Variants in HDAC9 observed in about 807,000 individuals in gnomAD.
The protein encoded by HDAC9 is MEF-2 interacting transcription repressor (MITR) protein.
A neutral mutation model predicts 139.4 loss-of-function variants in HDAC9; 41 were observed. The observed-to-expected ratio is 0.29, with a 90% CI of 0.23 to 0.38. The LOEUF (loss-of-function observed/expected upper bound fraction) is 0.38. Among genes scored for constraint, HDAC9 ranks in the 10% least tolerant of loss-of-function variants. The pLI is 1.00. For synonymous variants in HDAC9, 517 were observed against 476.2 expected (o/e 1.09, Z -1.12); for missense variants, 1,147 against 1,297.0 (o/e 0.88, Z 1.78).
At chr7:18,292,601 C>T (rs1238966659) in intron 1 of HDAC9, among the ~76,000 whole-genome samples, 1 of 151,680 alleles carries the variant, frequency 6.6e-6, no homozygotes, top group Non-Finnish European at 1.5e-5. Context: ...ATTGAACTGA[C>T]AGGTAAAAAA....
chr7:18,574,557 T>A (rs929015083), intron 2 of HDAC9, among the ~76,000 whole-genome samples: 1 of 152,192 alleles, frequency 6.6e-6, no homozygotes, highest in African/African-American at 2.4e-5. Flanking sequence ...CCCTCCCCTT[T>A]CTGCCCAGGA....
At chr7:18,749,173 T>TA (rs1415011961) in intron 14 of HDAC9, 35 bp downstream of exon 14, 1 of 1,606,166 alleles carries the variant, frequency 6.2e-7, no homozygotes, top group Admixed American at 1.7e-5. Flanking sequence ...TTTACTTACT[T>TA]AAATAAATCA....
chr7:18,277,267 G>A (rs1796794206), intron 2 of HDAC9, among the ~76,000 whole-genome samples: 1 of 152,158 alleles, frequency 6.6e-6, no homozygotes, highest in Admixed American at 6.6e-5. Flanking sequence ...AACAGTGGCA[G>A]GCTCTGCTTG....
In HDAC9 at chr7:18,582,969, A is replaced by G. The variant is rs192175666; in HGVS notation, c.23-2312A>G. Among the ~76,000 whole-genome samples, 908 of 151,516 alleles carry G rather than the reference A, an allele frequency of 6.0e-3. 8 individuals carry two copies. The highest frequency in any genetic ancestry group is 0.021 in the African/African-American group (851 of 40,844). On this transcript the variant is annotated intron_variant, in intron 2 of 25. Transcript: ENST00000686413. Reference sequence around the variant, plus strand: ...TGGGTCATATATATGATAATAATCAATGATGCTCTATTTTGATTCATAATT... The same window carrying G: ...TGGGTCATATATATGATAATAATCAGTGATGCTCTATTTTGATTCATAATT...
chr7:18,103,185 G>A (rs1179084128), intron 1 of HDAC9, among the ~76,000 whole-genome samples: 1 of 152,056 alleles, frequency 6.6e-6, no homozygotes, highest in Non-Finnish European at 1.5e-5. Context: ...TCACTACCAT[G>A]GGAACAGTAT....
chr7:18,138,981 A>C (rs886629099), intron 1 of HDAC9, among the ~76,000 whole-genome samples: 1 of 152,126 alleles, frequency 6.6e-6, no homozygotes, highest in African/African-American at 2.4e-5. Context: ...GTAATCTTCC[A>C]TTTCTAAACT....
rs142832516 is a variant in HDAC9 at position 18,756,020 on chromosome 7, C to T, written c.2044-6137C>T. Among the ~76,000 whole-genome samples, 535 of 152,198 alleles carry T rather than the reference C, an allele frequency of 3.5e-3. 3 individuals are homozygous for T. The highest frequency in any genetic ancestry group is 0.012 in the African/African-American group (504 of 41,526). On this transcript the variant is annotated intron_variant, in intron 14 of 25. Coordinates refer to ENST00000686413, the MANE Select transcript of HDAC9 (RefSeq NM_178425.4). ...TAAGTATGGACAGCTCCCTCTAACA[C>T]GTGGTTCTTGACCTAAGCTACCCAT...
At chr7:18,898,087 G>A (rs939469672) in intron 22 of HDAC9, among the ~76,000 whole-genome samples, 1 of 151,682 alleles carries the variant, frequency 6.6e-6, no homozygotes, top group Non-Finnish European at 1.5e-5. Context: ...ACCTTGTAAA[G>A]CACCATTTTA....
chr7:18,129,260 G>C (rs574814443), intron 1 of HDAC9, among the ~76,000 whole-genome samples: 1 of 152,062 alleles, frequency 6.6e-6, no homozygotes, highest in Non-Finnish European at 1.5e-5. Flanking sequence ...TTTTTAAACT[G>C]ATATACCATG....
intron 2 of HDAC9, among the ~76,000 whole-genome samples, chr7:18,227,985 T>C (rs974363471): frequency 1.3e-5 from 2 of 152,206 alleles, no homozygotes; most frequent in African/African-American, 4.8e-5. Context: ...CTTTAGTCTA[T>C]ATATGCTGAA....
chr7:18,851,388 GCT>G (rs1254545878), intron 21 of HDAC9: 2 of 152,322 alleles, frequency 1.3e-5, no homozygotes, highest in South Asian at 2.1e-4. Flanking sequence ...CTCCTCCTTT[GCT>G]CTCTGTGTCT....
intron 17 of HDAC9, among the ~76,000 whole-genome samples, chr7:18,823,546 G>A (rs958829578): frequency 3.9e-5 from 6 of 152,148 alleles, no homozygotes; most frequent in Non-Finnish European, 7.3e-5. Context: ...GTGATTGAAA[G>A]TATGTCTGTG....
chr7:18,605,959 T>C lies in HDAC9; in HGVS notation c.664+11930T>C, dbSNP rs185006959. On this transcript the variant is annotated intron_variant, in intron 6 of 25. Coordinates refer to ENST00000686413, the MANE Select transcript of HDAC9 (RefSeq NM_178425.4). ...CCTCCGAAAGTGCTGGGATTACAGG[T>C]GTGAGCCACCATGCCTGGCTGCCCC... 4.2e-3 allele frequency among the ~76,000 whole-genome samples: 640 copies of C among 152,198 alleles called. 3 individuals are homozygous for C. The highest frequency in any genetic ancestry group is 0.015 in the African/African-American group (611 of 41,522).
At chr7:18,435,789 T>C (rs1791139452) in intron 1 of HDAC9, among the ~76,000 whole-genome samples, 1 of 151,526 alleles carries the variant, frequency 6.6e-6, no homozygotes, top group African/African-American at 2.4e-5. Flanking sequence ...CTAGAATATA[T>C]CTATACTTTA....
chr7:18,539,970 A>G (rs926249288), intron 2 of HDAC9, among the ~76,000 whole-genome samples: 2 of 151,820 alleles, frequency 1.3e-5, no homozygotes, highest in African/African-American at 4.8e-5. Context: ...AAAAGGGGAA[A>G]ATGTTGGCCG....
At chr7:18,144,429 G>A (rs1375017777) in intron 1 of HDAC9, among the ~76,000 whole-genome samples, 2 of 152,094 alleles carry the variant, frequency 1.3e-5, no homozygotes, top group Admixed American at 1.3e-4. Context: ...TGGCCCTGTG[G>A]GTCCTACCTC....
chr7:18,386,286 A>G (rs566811711), intron 1 of HDAC9, among the ~76,000 whole-genome samples: 1 of 152,194 alleles, frequency 6.6e-6, no homozygotes, highest in Non-Finnish European at 1.5e-5. Context: ...ATATATGTGC[A>G]GTTTTCTCAC....
intron 6 of HDAC9, among the ~76,000 whole-genome samples, chr7:18,612,786 C>T (rs1197629332): frequency 2.6e-5 from 4 of 152,006 alleles, no homozygotes; most frequent in African/African-American, 9.7e-5. Context: ...AATGGAGAAG[C>T]TGCCACATGA....
intron 1 of HDAC9, among the ~76,000 whole-genome samples, chr7:18,465,863 G>T (rs1439690616): frequency 6.6e-6 from 1 of 152,082 alleles, no homozygotes; most frequent in Non-Finnish European, 1.5e-5. Context: ...CTAATGTGGA[G>T]ATATATCTAT....
Sources: gnomAD v4.1 joint callset for allele counts (sites outside exome capture counted in the v4.1 genomes callset) on GRCh38, gnomAD v4.1.1 for gene constraint, MANE v1.5 for transcripts, NCBI Gene and HGNC (gene_info 2026-07-23, HGNC 2026-07-21) for gene names.